Variants in HMGA2 observed in about 807,000 individuals in gnomAD.
The protein encoded by HMGA2 is high mobility group AT-hook 2.
A neutral mutation model predicts 19.1 loss-of-function variants in HMGA2; 8 were observed. The observed-to-expected ratio is 0.42, with a 90% CI of 0.25 to 0.76. HMGA2 has a LOEUF of 0.76. HMGA2 is among the 30% of genes least tolerant of loss of function. The pLI is 0.28. For synonymous variants in HMGA2, 60 were observed against 48.8 expected, an observed-to-expected ratio of 1.23 and a Z score of -0.96; for missense variants, 109 against 136.3, an observed-to-expected ratio of 0.80 and a Z score of 1.00.
At chr12:65,957,177 T>C (rs1456265395) in intron 4 of HMGA2, 1 of 152,212 alleles carries the variant, frequency 6.6e-6, no homozygotes, top group Non-Finnish European at 1.5e-5. Context: ...ACAACACCTA[T>C]GCAAAATTTT....
chr12:65,833,763 T>C (rs1340585916), intron 2 of HMGA2, among the ~76,000 whole-genome samples: 5 of 152,214 alleles, frequency 3.3e-5, no homozygotes, highest in Non-Finnish European at 4.4e-5. Flanking sequence ...GTCTCAGTTC[T>C]ACTACCTGTG....
In HMGA2 at chr12:65,964,869, C is replaced by T. The variant is rs944495326; in HGVS notation, c.*1577C>T. 1 of 192,882 alleles carries T rather than the reference C, an allele frequency of 5.2e-6. No individual in the cohort carries two copies. The highest frequency in any genetic ancestry group is 1.1e-5 in the Non-Finnish European group (1 of 92,088). 11.9% of individuals were successfully genotyped at this position (192,882 alleles called of 1,614,324 possible). On this transcript the variant is annotated 3_prime_UTR_variant, in exon 5 of 5. Transcript: ENST00000403681. The stretch of plus-strand genomic sequence containing the variant: ...TTCCTCAATCACACTACACATCACA[C>T]AAGATTTGACTGTAATATTTAAATA...
intron 3 of HMGA2, among the ~76,000 whole-genome samples, chr12:65,944,474 A>G (rs1876193029): frequency 6.6e-6 from 1 of 152,194 alleles, no homozygotes; most frequent in South Asian, 2.1e-4. Context: ...GTATAGGCCA[A>G]TCCCTCTTTT....
intron 3 of HMGA2, among the ~76,000 whole-genome samples, chr12:65,931,731 G>A (rs914077944): frequency 3.3e-5 from 5 of 152,064 alleles, no homozygotes; most frequent in East Asian, 3.9e-4. Flanking sequence ...GCGCCAGAAC[G>A]ACACAGTCAA....
chr12:65,827,951 TC>T lies in HMGA2; in HGVS notation c.112-49del, dbSNP rs764180833. 5.4e-6 allele frequency: 7 copies of T among 1,306,264 alleles called. No individual in the cohort carries two copies. In the Admixed American group the frequency reaches 1.2e-4, roughly 22 times the overall value. The allele number at this position is 1,306,264 out of a possible 1,614,324, so 80.9% of individuals were successfully genotyped here. ...TATAGCTAAAGAGTCAGGGTCAATT[TC>T]TTTCAGACATTCTTGCCACAACAGC... On this transcript the variant is annotated intron_variant, in intron 1 of 4. Transcript: ENST00000403681.
chr12:65,923,305 C>A (rs1169608106), intron 3 of HMGA2, among the ~76,000 whole-genome samples: 1 of 152,206 alleles, frequency 6.6e-6, no homozygotes, highest in Non-Finnish European at 1.5e-5. Flanking sequence ...CTTTCCCACT[C>A]CCAAAGGAGA....
chr12:65,834,271 CA>C (rs1358381458), intron 2 of HMGA2, among the ~76,000 whole-genome samples: 1 of 152,130 alleles, frequency 6.6e-6, no homozygotes, highest in Non-Finnish European at 1.5e-5. Flanking sequence ...AGGGCCACTC[CA>C]AAGGTTATAA....
At chr12:65,851,661 A>AAAC (rs748618183) in intron 3 of HMGA2, 9 of 444,918 alleles carry the variant, frequency 2.0e-5, no homozygotes, top group Non-Finnish European at 3.2e-5. Context: ...CTCTGTCTCA[A>AAAC]AACAACAACA....
Position 65,966,099 on chromosome 12 carries a change from C to G in HMGA2, c.*2807C>G, listed in dbSNP as rs188648596. On this transcript the variant is annotated 3_prime_UTR_variant, in exon 5 of 5. Transcript: ENST00000403681. ...CCTTTGAGTGTCTTCTAACTTTATT[C>G]TTTGTTCTTTATGTAGAATTGCTGT... The G allele has an allele frequency of 4.7e-6, 1 of 214,252 alleles. No individual in the cohort carries two copies. The highest frequency in any genetic ancestry group is 2.3e-5 in the African/African-American group (1 of 44,288). 13.3% of individuals were successfully genotyped at this position (214,252 alleles called of 1,614,324 possible).
chr12:65,873,041 G>T (rs1449765607), intron 3 of HMGA2, among the ~76,000 whole-genome samples: 1 of 152,066 alleles, frequency 6.6e-6, no homozygotes, highest in Admixed American at 6.5e-5. Flanking sequence ...CATCTCCCAA[G>T]ACCCAGTTCA....
chr12:65,854,866 C>A (rs1252273074), intron 3 of HMGA2, among the ~76,000 whole-genome samples: 1 of 152,146 alleles, frequency 6.6e-6, no homozygotes, highest in Non-Finnish European at 1.5e-5. Context: ...GAATTCTGGC[C>A]CATGGTTCCT....
chr12:65,848,783 G>C (rs1871333976), intron 3 of HMGA2, among the ~76,000 whole-genome samples: 1 of 152,070 alleles, frequency 6.6e-6, no homozygotes, highest in Non-Finnish European at 1.5e-5. Context: ...GTGAACCCGG[G>C]AGGCGGAGCT....
chr12:65,956,561 T>G (rs1876611416), intron 4 of HMGA2: 1 of 152,226 alleles, frequency 6.6e-6, no homozygotes, highest in Admixed American at 6.5e-5. Context: ...ATTGGCAGGA[T>G]GAAGTCAGCG....
chr12:65,896,569 G>A (rs539310667), intron 3 of HMGA2, among the ~76,000 whole-genome samples: 1 of 152,094 alleles, frequency 6.6e-6, no homozygotes, highest in South Asian at 2.1e-4. Flanking sequence ...TCTTCTCCCT[G>A]TTCTTTTTAT....
chr12:65,919,193 C>G (rs548690346), intron 3 of HMGA2, among the ~76,000 whole-genome samples: 2 of 152,292 alleles, frequency 1.3e-5, no homozygotes, highest in South Asian at 2.1e-4. Flanking sequence ...ACAGAAAGCA[C>G]TATAAAAAAT....
At position 65,963,098 on chromosome 12, in the gene HMGA2, T is replaced by C. The variant is rs191033019; in HGVS notation, c.283-147T>C. ...TCCTCAATTACGGTTTAAGAAGCCC[T>C]GGGAATGAGGGCTCGCCAGTCATCG... On this transcript the variant is annotated intron_variant, in intron 4 of 4. Transcript: ENST00000403681. 7 of 711,262 alleles carry C rather than the reference T, an allele frequency of 9.8e-6. No homozygotes were observed. The African/African-American group carries it at 1.1e-4, about 11-fold the overall frequency. 44.1% of individuals were successfully genotyped at this position (711,262 alleles called of 1,614,324 possible). A position where few individuals can be genotyped will look rare whatever the true frequency, so the allele number is the denominator to read the frequency against.
At chr12:65,915,495 G>T in intron 3 of HMGA2, 1 of 1,205,918 alleles carries the variant, frequency 8.3e-7, no homozygotes, top group Non-Finnish European at 1.0e-6. Context: ...CTATGGTGTG[G>T]TTTGATTTCA....
chr12:65,825,110 C>T lies in HMGA2; in HGVS notation c.-161C>T, dbSNP rs1319734031. 1.9e-6 allele frequency: 1 copy of T among 536,214 alleles called. No homozygotes were observed. Among genetic ancestry groups the T allele is most frequent in the Non-Finnish European group, 3.2e-6 (1 of 311,374 alleles). The allele number at this position is 536,214 out of a possible 1,614,324, so 33.2% of individuals were successfully genotyped here. A position where few individuals can be genotyped will look rare whatever the true frequency, so the allele number is the denominator to read the frequency against. ...GGACGTCCGGTGTTGATGGTGGCAG[C>T]GGCGGCAGCCTAAGCAACAGCAGCC... On this transcript the variant is annotated 5_prime_UTR_variant, in exon 1 of 5. Transcript: ENST00000403681. The surrounding 1 kb of genome is among the most constrained non-coding windows in gnomAD (Gnocchi z 4.4).
chr12:65,936,431 G>C (rs374120812), intron 3 of HMGA2, among the ~76,000 whole-genome samples: 1 of 152,088 alleles, frequency 6.6e-6, no homozygotes, highest in Admixed American at 6.6e-5. Flanking sequence ...ATCCTGTTCT[G>C]GTTGCCATAC....
Sources: allele counts gnomAD v4.1 joint callset (sites outside exome capture counted in the v4.1 genomes callset), GRCh38; gene constraint gnomAD v4.1.1; non-coding constraint Gnocchi (gnomAD v3.1); transcripts MANE v1.5; gene names NCBI Gene and HGNC (gene_info 2026-07-23, HGNC 2026-07-21).